Variants in AMN1 observed in about 807,000 individuals in gnomAD.
AMN1 encodes the protein protein AMN1 homolog.
In AMN1, 20 loss-of-function variants were observed where a neutral mutation model predicts 33.0. The ratio of observed to expected loss-of-function variants is 0.61; its 90% confidence interval spans 0.43 to 0.88. The LOEUF (loss-of-function observed/expected upper bound fraction) is 0.88. Ranked by LOEUF, AMN1 falls within the 40% of genes least tolerant of loss-of-function variation. The pLI is 0.00. For missense variants in AMN1, 246 were observed against 307.4 expected (o/e 0.80, Z 1.49); for synonymous variants, 114 against 111.9 (o/e 1.02, Z -0.12).
chr12:31,713,807 C>T (rs1179313256), intron 1 of AMN1, among the ~76,000 whole-genome samples: 1 of 151,858 alleles, frequency 6.6e-6, no homozygotes, highest in East Asian at 1.9e-4. Flanking sequence ...GTGATTGTAC[C>T]ACTGCACTCC....
chr12:31,696,609 A>C (rs1938736536), intron 5 of AMN1, among the ~76,000 whole-genome samples: 1 of 152,158 alleles, frequency 6.6e-6, no homozygotes, highest in Non-Finnish European at 1.5e-5. Flanking sequence ...TAGTGATTCA[A>C]TTCAAAGGAT....
chr12:31,699,620 T>C (rs115394121), intron 3 of AMN1, among the ~76,000 whole-genome samples: 1,854 of 152,202 alleles, frequency 0.012, 34 homozygotes, highest in African/African-American at 0.042. Flanking sequence ...CTGTATCCTT[T>C]ATAATCTCTT....
At position 31,683,918 on chromosome 12, in the gene AMN1, G is replaced by A. The variant is rs1938138652; in HGVS notation, c.703+5089C>T. 6.6e-6 allele frequency among the ~76,000 whole-genome samples: 1 copy of A among 152,186 alleles called. No individual in the cohort carries two copies. The highest frequency in any genetic ancestry group is 1.5e-5 in the Non-Finnish European group (1 of 68,024). On this transcript the variant is annotated intron_variant, in intron 6 of 6. Transcript: ENST00000281471. This position sits in a 1 kb window ranked among gnomAD's most constrained non-coding sequence, Gnocchi z 4.1. ...ACAAATGACAGAATTTGTTGTCAGTGATAAAGCTTTAGCTTTCAAGTGAAT... is the reference window on the plus strand; with the variant it reads ...ACAAATGACAGAATTTGTTGTCAGTAATAAAGCTTTAGCTTTCAAGTGAAT...
chr12:31,714,794 G>T, intron 1 of AMN1: 1 of 382,192 alleles, frequency 2.6e-6, no homozygotes, highest in Non-Finnish European at 3.6e-6. Flanking sequence ...CAGAGACTTT[G>T]CAGTAATGTG....
In AMN1 at chr12:31,707,278, G is replaced by A. The variant is rs145205077; in HGVS notation, c.171+2015C>T. ...TTGTGTACTACAGTCACAATGTAACGTATATTTCTTATTGTGAGTCTTGAT... is the reference window on the plus strand; with the variant it reads ...TTGTGTACTACAGTCACAATGTAACATATATTTCTTATTGTGAGTCTTGAT... On this transcript the variant is annotated intron_variant, in intron 2 of 6. Transcript: ENST00000281471. Among the ~76,000 whole-genome samples, 1,222 of 152,264 alleles carry A rather than the reference G, an allele frequency of 8.0e-3. 18 individuals carry two copies. Among genetic ancestry groups the A allele is most frequent in the African/African-American group, 0.026 (1,065 of 41,532 alleles).
chr12:31,678,701 G>A (rs1937854992), intron 6 of AMN1, among the ~76,000 whole-genome samples: 1 of 152,080 alleles, frequency 6.6e-6, no homozygotes, highest in African/African-American at 2.4e-5. Flanking sequence ...CCCGGCCAAA[G>A]AATACAAACT....
intron 1 of AMN1, 97 bp downstream of exon 1, chr12:31,728,874 G>T: frequency 7.3e-7 from 1 of 1,365,214 alleles, no homozygotes; most frequent in East Asian, 2.6e-5. Context: ...CGGCGGGGGG[G>T]GTGGGAAAGG....
chr12:31,674,959 T>C (rs1262792514), intron 6 of AMN1, among the ~76,000 whole-genome samples: 2 of 151,398 alleles, frequency 1.3e-5, no homozygotes, highest in Admixed American at 6.6e-5. Context: ...GAGGCAGAGA[T>C]TGCAGTGAGC....
intron 6 of AMN1, among the ~76,000 whole-genome samples, chr12:31,673,858 C>T (rs962726999): frequency 1.3e-5 from 2 of 152,240 alleles, no homozygotes; most frequent in East Asian, 3.9e-4. Context: ...GTGTTAATGT[C>T]CTATTGCTGC....
intron 6 of AMN1, among the ~76,000 whole-genome samples, chr12:31,673,379 A>G (rs2139644530): frequency 6.6e-6 from 1 of 152,342 alleles, no homozygotes; most frequent in South Asian, 2.1e-4. Context: ...TATAGAAATG[A>G]AAAGTTATTA....
At chr12:31,728,379 C>T (rs1940167409) in intron 1 of AMN1, among the ~76,000 whole-genome samples, 4 of 151,980 alleles carry the variant, frequency 2.6e-5, no homozygotes, top group Admixed American at 2.6e-4. Flanking sequence ...TAAATTTATC[C>T]CTCAGGACAA....
chr12:31,687,508 C>G lies in AMN1; in HGVS notation c.703+1499G>C, dbSNP rs1938315732. Among the ~76,000 whole-genome samples the G allele has an allele frequency of 6.6e-6, 1 of 151,902 alleles. No individual in the cohort carries two copies. Among genetic ancestry groups the G allele is most frequent in the Admixed American group, 6.6e-5 (1 of 15,240 alleles). ...GCCTGGCCTGACCAGTATGGTGATACCCCGTCTCTACTAAAAATACAAAAA... is the reference window on the plus strand; with the variant it reads ...GCCTGGCCTGACCAGTATGGTGATAGCCCGTCTCTACTAAAAATACAAAAA... On this transcript the variant is annotated intron_variant, in intron 6 of 6. Coordinates refer to ENST00000281471, the MANE Select transcript of AMN1 (RefSeq NM_001113402.2). This position sits in a 1 kb window ranked among gnomAD's most constrained non-coding sequence, Gnocchi z 4.1.
At chr12:31,673,609 T>C (rs907713695) in intron 6 of AMN1, 3 of 431,166 alleles carry the variant, frequency 7.0e-6, no homozygotes, top group South Asian at 1.7e-5. Flanking sequence ...GGAAACACTT[T>C]CCAACTCTTT....
chr12:31,690,347 T>A (rs1938448265), intron 5 of AMN1, among the ~76,000 whole-genome samples: 1 of 152,258 alleles, frequency 6.6e-6, no homozygotes, highest in Non-Finnish European at 1.5e-5. Flanking sequence ...TTTTCAATAG[T>A]GGTTGTACTA....
chr12:31,717,109 C>T (rs929499644), intron 1 of AMN1, among the ~76,000 whole-genome samples: 1 of 152,004 alleles, frequency 6.6e-6, no homozygotes, highest in African/African-American at 2.4e-5. Flanking sequence ...CTTTCCCTTG[C>T]TCCCCCCAAC....
At chr12:31,707,596 C>T (rs1939295385) in intron 2 of AMN1, among the ~76,000 whole-genome samples, 1 of 152,198 alleles carries the variant, frequency 6.6e-6, no homozygotes, top group Non-Finnish European at 1.5e-5. Flanking sequence ...AACCCTCTCC[C>T]ACCTTTCTCT....
chr12:31,691,675 T>C (rs908644677), intron 5 of AMN1, among the ~76,000 whole-genome samples: 1 of 152,100 alleles, frequency 6.6e-6, no homozygotes, highest in African/African-American at 2.4e-5. Flanking sequence ...AAAACAAGGC[T>C]ATATCTTATT....
intron 5 of AMN1, among the ~76,000 whole-genome samples, chr12:31,692,259 C>A (rs1296123050): frequency 6.6e-6 from 1 of 151,580 alleles, no homozygotes; most frequent in Admixed American, 6.6e-5. Context: ...GAGTTCGAGA[C>A]CAGCCTGGCC....
intron 3 of AMN1, among the ~76,000 whole-genome samples, chr12:31,700,356 C>T (rs1325990266): frequency 6.6e-6 from 1 of 151,938 alleles, no homozygotes; most frequent in Non-Finnish European, 1.5e-5. Context: ...GATCAAGACA[C>T]TGTCTTAAAT....
Sources: gnomAD v4.1 joint callset for allele counts (sites outside exome capture counted in the v4.1 genomes callset) on GRCh38, gnomAD v4.1.1 for gene constraint, Gnocchi (gnomAD v3.1) non-coding constraint, MANE v1.5 for transcripts, NCBI Gene and HGNC (gene_info 2026-07-23, HGNC 2026-07-21) for gene names.